DHX15: variants seen among roughly 807,000 people sequenced by gnomAD.
DHX15 encodes the protein DEAH-box helicase 15.
DHX15 carries 11 observed loss-of-function variants against 94.4 expected under a neutral mutation model. The observed-to-expected ratio is 0.12, with a 90% CI of 0.07 to 0.19. The LOEUF (loss-of-function observed/expected upper bound fraction) is 0.19. DHX15 is among the 10% of genes least tolerant of loss of function. DHX15 has a pLI of 1.00. For synonymous variants in DHX15, 338 were observed against 329.9 expected (o/e 1.02, Z -0.27); for missense variants, 304 against 988.5 (o/e 0.31, Z 9.29).
chr4:24,540,788 G>C (rs1721293353), intron 9 of DHX15, 52 bp downstream of exon 9: 3 of 1,015,262 alleles, frequency 3.0e-6, no homozygotes, highest in Admixed American at 4.3e-5. Flanking sequence ...AAAACACTAA[G>C]AGTCAATTTT....
At chr4:24,532,446 G>A (rs1721104685) in intron 12 of DHX15, among the ~76,000 whole-genome samples, 1 of 152,124 alleles carries the variant, frequency 6.6e-6, no homozygotes, top group Non-Finnish European at 1.5e-5. Context: ...CCGCTCAATT[G>A]CTTCCTTTTA....
chr4:24,575,285 T>C (rs985117789), intron 2 of DHX15, among the ~76,000 whole-genome samples: 18 of 152,266 alleles, frequency 1.2e-4, no homozygotes, highest in Middle Eastern at 6.8e-3. Flanking sequence ...AAAAGATAAA[T>C]TGTGTATGCG....
chr4:24,567,709 C>G (rs1722024063), intron 3 of DHX15, among the ~76,000 whole-genome samples: 1 of 152,156 alleles, frequency 6.6e-6, no homozygotes, highest in African/African-American at 2.4e-5. Flanking sequence ...ACTGACTAGT[C>G]ACAAATACAG....
intron 1 of DHX15, chr4:24,584,056 C>T (rs1353122816): frequency 2.0e-6 from 1 of 504,018 alleles, no homozygotes; most frequent in Non-Finnish European, 3.5e-6. Flanking sequence ...TCGGTTCGGC[C>T]TGGGGGAGGA....
At chr4:24,558,907 A>C (rs977010954) in intron 3 of DHX15, among the ~76,000 whole-genome samples, 1 of 152,080 alleles carries the variant, frequency 6.6e-6, no homozygotes, top group Non-Finnish European at 1.5e-5. Context: ...TCCTACATTA[A>C]CACACTCTTC....
chr4:24,529,527 G>T, intron 13 of DHX15, 74 bp downstream of exon 13: 2 of 1,314,012 alleles, frequency 1.5e-6, no homozygotes, highest in South Asian at 1.3e-5. Context: ...GCAAGGCCAT[G>T]ACTCTAGCAA....
At chr4:24,540,623 A>C (rs1268909432) in intron 9 of DHX15, among the ~76,000 whole-genome samples, 2 of 144,528 alleles carry the variant, frequency 1.4e-5, no homozygotes, top group East Asian at 4.0e-4. Context: ...ATTTACCCAA[A>C]CCCCCCCATA....
chr4:24,552,728 ACT>A (rs769653762), intron 5 of DHX15, among the ~76,000 whole-genome samples: 7 of 152,170 alleles, frequency 4.6e-5, no homozygotes, highest in Non-Finnish European at 8.8e-5. Context: ...TCTCCCCAAA[ACT>A]CTTCAAATTC....
At chr4:24,547,903 G>GTGTATATATATA (rs1721469206) in intron 6 of DHX15, among the ~76,000 whole-genome samples, 3 of 70,722 alleles carry the variant, frequency 4.2e-5, no homozygotes, top group African/African-American at 1.2e-4. Context: ...GTATGTATGT[G>GTGTATATATATA]TATATATATA....
At chr4:24,579,857 CCT>C (rs1350957790) in intron 1 of DHX15, among the ~76,000 whole-genome samples, 1 of 152,190 alleles carries the variant, frequency 6.6e-6, no homozygotes, top group Non-Finnish European at 1.5e-5. Flanking sequence ...CCTCTGCCTC[CCT>C]GTTTCAAGCG....
chr4:24,580,320 T>C (rs1461286234), intron 1 of DHX15, among the ~76,000 whole-genome samples: 2 of 151,818 alleles, frequency 1.3e-5, no homozygotes, highest in African/African-American at 4.8e-5. Context: ...GACGGGAAGA[T>C]CACTTGAGCC....
In DHX15 at chr4:24,538,461, C is replaced by T. The variant is rs139896426; in HGVS notation, c.1787-1288G>A. The T allele has an allele frequency of 5.0e-4, 76 of 152,212 alleles. 1 individual carries two copies. In the East Asian group the frequency reaches 5.8e-3, roughly 12 times the overall value. The allele number at this position is 152,212 out of a possible 1,614,324, so 9.4% of individuals were successfully genotyped here. ...TGTGAATTTTAATGTGAACTAGCCA[C>T]TAGAGTTAAGTGGGAATAAATAAGT... is the stretch of plus-strand genomic sequence containing the variant. On this transcript the variant is annotated intron_variant, in intron 10 of 13. Transcript: ENST00000336812.
rs138831230 is a variant in DHX15 at position 24,576,494 on chromosome 4, T to C, written c.256A>G (p.Thr86Ala). The change falls in exon 2 of 14, where the codon ACC becomes GCC. Residue 86 changes from threonine (T) to alanine (A), a missense_variant. Transcript: ENST00000336812. ...PLKASHSAHS[T>A]HSAHSTHSTH... ...GAATGCGTTGAATGTGCTGAGTGGGTTGAGTGAGCTGAATGGGAAGCTTTC... is the reference window on the plus strand; with the variant it reads ...GAATGCGTTGAATGTGCTGAGTGGGCTGAGTGAGCTGAATGGGAAGCTTTC... The C allele has an allele frequency of 1.2e-5, 20 of 1,614,024 alleles. No homozygotes were observed. The highest frequency in any genetic ancestry group is 5.3e-5 in the African/African-American group (4 of 74,900).
intron 12 of DHX15, among the ~76,000 whole-genome samples, chr4:24,531,451 G>A (rs1029831339): frequency 1.3e-5 from 2 of 151,990 alleles, no homozygotes; most frequent in Admixed American, 6.5e-5. Context: ...GGTGGCTCAC[G>A]TCTGTAATCT....
intron 3 of DHX15, among the ~76,000 whole-genome samples, chr4:24,569,311 G>A (rs1339252189): frequency 2.6e-5 from 4 of 152,120 alleles, no homozygotes; most frequent in African/African-American, 7.2e-5. Flanking sequence ...CAATTTCTGC[G>A]GCTGGGTGTA....
intron 2 of DHX15, among the ~76,000 whole-genome samples, 173 bp from the exon 3 acceptor site, chr4:24,571,020 C>CAGTT (rs1434949585): frequency 6.6e-6 from 1 of 152,156 alleles, no homozygotes; most frequent in Non-Finnish European, 1.5e-5. Flanking sequence ...AACCAAGGAA[C>CAGTT]AGTTATGTGT....
rs75416154 is a variant in DHX15, at chr4:24,531,596, T to C, written c.2100+1268A>G. ...AGCTAGGCATAGTGGTGCGTGCCTG[T>C]AGTCCCAGGAACTCAGGAGTCTGAG... On this transcript the variant is annotated intron_variant, in intron 12 of 13. Transcript: ENST00000336812. Among the ~76,000 whole-genome samples, 1,599 of 151,976 alleles carry C rather than the reference T, an allele frequency of 0.011. 82 individuals carry two copies. The East Asian group carries it at 0.17, about 16-fold the overall frequency.
intron 1 of DHX15, among the ~76,000 whole-genome samples, chr4:24,583,374 T>C (rs1375699670): frequency 2.0e-5 from 3 of 152,098 alleles, no homozygotes; most frequent in Non-Finnish European, 4.4e-5. Flanking sequence ...ACATGGGCGG[T>C]GTTTCGCCAT....
intron 2 of DHX15, among the ~76,000 whole-genome samples, chr4:24,575,279 G>C (rs1722231962): frequency 6.6e-6 from 1 of 152,128 alleles, no homozygotes. Context: ...TTTAGAAAAA[G>C]ATAAATTGTG....
Sources: allele counts gnomAD v4.1 joint callset (sites outside exome capture counted in the v4.1 genomes callset), GRCh38; gene constraint gnomAD v4.1.1; transcripts MANE v1.5; gene names NCBI Gene and HGNC (gene_info 2026-07-23, HGNC 2026-07-21).